The following STXBP5L variants were observed in gnomAD, a reference collection of about 807,000 sequenced individuals.
STXBP5L encodes syntaxin binding protein 5L, also known as syntaxin-binding protein 5-like.
STXBP5L carries 65 observed loss-of-function variants against 144.5 expected under a neutral mutation model. That is an observed-to-expected ratio of 0.45 (90% CI 0.37 to 0.55). The LOEUF (loss-of-function observed/expected upper bound fraction) is 0.55. STXBP5L is among the 20% of genes least tolerant of loss of function. The pLI, the probability that STXBP5L is intolerant of heterozygous loss-of-function variation, is 0.00. For synonymous variants in STXBP5L, 505 were observed against 469.6 expected, an observed-to-expected ratio of 1.08 and a Z score of -0.97; for missense variants, 1,298 against 1,405.5, an observed-to-expected ratio of 0.92 and a Z score of 1.22.
intron 5 of STXBP5L, among the ~76,000 whole-genome samples, chr3:121,056,047 C>G (rs1389508217): frequency 1.3e-5 from 2 of 152,038 alleles, no homozygotes; most frequent in Non-Finnish European, 2.9e-5. Flanking sequence ...TCAAGCTATC[C>G]TCCTGCCTTG....
intron 20 of STXBP5L, among the ~76,000 whole-genome samples, chr3:121,330,821 G>A (rs553069910): frequency 1.3e-5 from 2 of 152,168 alleles, no homozygotes; most frequent in Non-Finnish European, 2.9e-5. Context: ...CTGTTCACAT[G>A]ACCCGTTCAT....
At chr3:121,400,525 TG>T (rs1406034009) in intron 22 of STXBP5L, among the ~76,000 whole-genome samples, 1 of 152,160 alleles carries the variant, frequency 6.6e-6, no homozygotes, top group Non-Finnish European at 1.5e-5. Flanking sequence ...CCCTCTTCTA[TG>T]GTTTGAGGTG....
intron 7 of STXBP5L, among the ~76,000 whole-genome samples, chr3:121,132,568 C>T (rs1353632816): frequency 6.6e-6 from 1 of 152,158 alleles, no homozygotes; most frequent in African/African-American, 2.4e-5. Context: ...AGAGAGATGC[C>T]TGCTTTGCCT....
At chr3:120,941,694 CA>C (rs1404133842) in intron 2 of STXBP5L, among the ~76,000 whole-genome samples, 5 of 151,550 alleles carry the variant, frequency 3.3e-5, no homozygotes, top group African/African-American at 1.2e-4. Flanking sequence ...CTTATATACA[CA>C]AATCATATCA....
chr3:120,922,789 CA>C (rs1239788369), intron 2 of STXBP5L, among the ~76,000 whole-genome samples: 3 of 151,626 alleles, frequency 2.0e-5, no homozygotes, highest in Non-Finnish European at 4.4e-5. Context: ...GGAGGATTGT[CA>C]CATCTGTGTT....
At chr3:121,143,376 G>T (rs577083504) in intron 7 of STXBP5L, among the ~76,000 whole-genome samples, 1 of 149,536 alleles carries the variant, frequency 6.7e-6, no homozygotes, top group African/African-American at 2.4e-5. Context: ...TATATCACAA[G>T]AAAATAAAAC....
intron 3 of STXBP5L, among the ~76,000 whole-genome samples, chr3:121,029,131 T>A (rs1946177213): frequency 6.6e-6 from 1 of 152,112 alleles, no homozygotes; most frequent in Admixed American, 6.6e-5. Flanking sequence ...TTCAATGCTA[T>A]CCCCGTCAAG....
At chr3:121,411,098 A>ATCT (rs1560067095) in intron 23 of STXBP5L, among the ~76,000 whole-genome samples, 1 of 152,126 alleles carries the variant, frequency 6.6e-6, no homozygotes, top group Non-Finnish European at 1.5e-5. Flanking sequence ...ATCTTTTAAT[A>ATCT]TCTTTTTAAG....
intron 5 of STXBP5L, among the ~76,000 whole-genome samples, chr3:121,073,719 C>CCCCT (rs1560093104): frequency 5.9e-5 from 9 of 152,090 alleles, no homozygotes; most frequent in Non-Finnish European, 1.3e-4. Context: ...CCCCTGCCCC[C>CCCCT]GCCCCAGCTT....
At chr3:121,240,391 C>A in intron 13 of STXBP5L, 49 bp from the exon 14 acceptor site, 1 of 1,522,276 alleles carries the variant, frequency 6.6e-7, no homozygotes, top group Admixed American at 1.8e-5. Flanking sequence ...TTTTAAATTT[C>A]TAAGCCATTT....
At chr3:121,371,501 C>T (rs1302013917) in intron 20 of STXBP5L, among the ~76,000 whole-genome samples, 2 of 152,246 alleles carry the variant, frequency 1.3e-5, no homozygotes, top group East Asian at 1.9e-4. Context: ...TTTGCACATG[C>T]TAGCAGCAGC....
At chr3:121,212,510 G>C (rs1257917645) in intron 10 of STXBP5L, among the ~76,000 whole-genome samples, 1 of 152,170 alleles carries the variant, frequency 6.6e-6, no homozygotes, top group African/African-American at 2.4e-5. Context: ...GTTCATCAAA[G>C]ATCAGATGGT....
At chr3:121,026,138 G>A (rs576481415) in intron 3 of STXBP5L, among the ~76,000 whole-genome samples, 84 of 150,994 alleles carry the variant, frequency 5.6e-4, no homozygotes, top group Middle Eastern at 3.4e-3. Context: ...AAATTCAAAT[G>A]TATCACCTTG....
At chr3:121,163,876 C>T (rs552345470) in intron 9 of STXBP5L, among the ~76,000 whole-genome samples, 3 of 151,618 alleles carry the variant, frequency 2.0e-5, no homozygotes, top group South Asian at 2.1e-4. Context: ...AGATAAGTGA[C>T]GATAGATTTT....
chr3:120,958,488 A>C (rs1044459292), intron 3 of STXBP5L, among the ~76,000 whole-genome samples: 16 of 146,474 alleles, frequency 1.1e-4, no homozygotes, highest in Middle Eastern at 3.4e-3. Flanking sequence ...TCCCTGATGA[A>C]GATCAATGCA....
chr3:121,143,158 T>G (rs34548235), intron 7 of STXBP5L, among the ~76,000 whole-genome samples: 22,822 of 151,260 alleles, frequency 0.15, 2,124 homozygotes, highest in East Asian at 0.49. Flanking sequence ...AGACAAACCA[T>G]GAAGAAACAG....
At chr3:120,920,354 T>G (rs1044657885) in intron 2 of STXBP5L, among the ~76,000 whole-genome samples, 1 of 151,906 alleles carries the variant, frequency 6.6e-6, no homozygotes, top group African/African-American at 2.4e-5. Flanking sequence ...TCTTAAAAAT[T>G]TAATACTTTT....
intron 5 of STXBP5L, among the ~76,000 whole-genome samples, chr3:121,049,219 T>C (rs1947756768): frequency 1.3e-5 from 2 of 152,024 alleles, no homozygotes; most frequent in Non-Finnish European, 1.5e-5. Context: ...TAGTCCCTAA[T>C]CACTGTGTAC....
intron 5 of STXBP5L, among the ~76,000 whole-genome samples, chr3:121,066,584 T>C (rs757439123): frequency 6.6e-6 from 1 of 152,098 alleles, no homozygotes; most frequent in Non-Finnish European, 1.5e-5. Flanking sequence ...GTATTAGCAT[T>C]ATTATATGTG....
Sources: gnomAD v4.1 joint callset for allele counts (sites outside exome capture counted in the v4.1 genomes callset) on GRCh38, gnomAD v4.1.1 for gene constraint, MANE v1.5 for transcripts, NCBI Gene and HGNC (gene_info 2026-07-23, HGNC 2026-07-21) for gene names.